The following MED12L variants were observed in gnomAD, a reference collection of about 807,000 sequenced individuals.
The protein encoded by MED12L is mediator of RNA polymerase II transcription subunit 12-like protein.
MED12L carries 60 observed loss-of-function variants against 281.3 expected under a neutral mutation model. That is an observed-to-expected ratio of 0.21 (90% CI 0.17 to 0.26). The LOEUF (loss-of-function observed/expected upper bound fraction) is 0.26. MED12L is among the 10% of genes least tolerant of loss of function. The probability of loss-of-function intolerance (pLI) is 1.00; values close to 1 mark genes in which losing one functional copy is unlikely to be tolerated. For missense variants in MED12L, 2,146 were observed against 2,680.9 expected (o/e 0.80, Z 4.41); for synonymous variants, 974 against 987.2 (o/e 0.99, Z 0.25).
At chr3:151,108,197 C>T (rs1340420743) in intron 2 of MED12L, among the ~76,000 whole-genome samples, 1 of 125,182 alleles carries the variant, frequency 8.0e-6, no homozygotes, top group South Asian at 2.7e-4. Context: ...GAGCAGTAGC[C>T]GAATCCTGCT....
chr3:151,363,653 AGAAG>A (rs1158412701), intron 21 of MED12L, among the ~76,000 whole-genome samples: 16 of 152,222 alleles, frequency 1.1e-4, no homozygotes, highest in African/African-American at 3.6e-4. Flanking sequence ...AAGAGAGTGT[AGAAG>A]ATTGTAATTG....
At chr3:151,359,135 A>G (rs150724815) in intron 20 of MED12L, among the ~76,000 whole-genome samples, 247 of 152,092 alleles carry the variant, frequency 1.6e-3, no homozygotes, top group African/African-American at 5.7e-3. Context: ...CCTTATGTCC[A>G]CGTGTACCTC....
At chr3:151,091,334 A>T (rs1720019590) in intron 2 of MED12L, among the ~76,000 whole-genome samples, 1 of 152,122 alleles carries the variant, frequency 6.6e-6, no homozygotes, top group South Asian at 2.1e-4. Flanking sequence ...ACTTCAGAGG[A>T]CATTCAGATT....
At chr3:151,267,860 G>A (rs1740136981) in intron 16 of MED12L, among the ~76,000 whole-genome samples, 1 of 152,158 alleles carries the variant, frequency 6.6e-6, no homozygotes, top group African/African-American at 2.4e-5. Flanking sequence ...GGAAACAGCT[G>A]TCAAAATACA....
At chr3:151,347,628 G>C (rs1244523298) in intron 16 of MED12L, among the ~76,000 whole-genome samples, 1 of 152,134 alleles carries the variant, frequency 6.6e-6, no homozygotes, top group Non-Finnish European at 1.5e-5. Context: ...ACAGCAAAGG[G>C]AGGAAGTGCC....
intron 16 of MED12L, among the ~76,000 whole-genome samples, chr3:151,309,497 C>T (rs564291671): frequency 5.3e-4 from 81 of 152,280 alleles, no homozygotes; most frequent in African/African-American, 1.9e-3. Context: ...TATACCTGCC[C>T]ACTTTATAGT....
chr3:151,164,164 A>G, intron 9 of MED12L, 122 bp downstream of exon 9: 1 of 1,041,184 alleles, frequency 9.6e-7, no homozygotes, highest in Non-Finnish European at 1.4e-6. Context: ...TTTGCCTGCT[A>G]ACACTCTGGG....
At chr3:151,117,727 T>C (rs1484929522) in intron 3 of MED12L, among the ~76,000 whole-genome samples, 1 of 152,186 alleles carries the variant, frequency 6.6e-6, no homozygotes, top group East Asian at 1.9e-4. Context: ...ATTAAAAGTG[T>C]ATACTCAGAA....
rs1355258903 is a variant in MED12L at position 151,374,562 on chromosome 3, A to G, written c.3865-1464A>G. On this transcript the variant is annotated intron_variant, in intron 27 of 44. Coordinates refer to ENST00000687756, the MANE Select transcript of MED12L (RefSeq NM_001393769.1). ...GACTCTGTCTCAAAGAAAGAAAGAA[A>G]GAAAGAAAGAAATGTTACACACATA... Among the ~76,000 whole-genome samples, 4 of 152,136 alleles carry G rather than the reference A, an allele frequency of 2.6e-5. No homozygotes were observed. The East Asian group carries it at 7.7e-4, about 29-fold the overall frequency.
intron 4 of MED12L, among the ~76,000 whole-genome samples, chr3:151,123,999 C>G (rs1265262779): frequency 6.6e-6 from 1 of 152,172 alleles, no homozygotes; most frequent in African/African-American, 2.4e-5. Flanking sequence ...TCAATCCAGG[C>G]TGAACCATGT....
chr3:151,189,756 G>A (rs181566739), intron 13 of MED12L, among the ~76,000 whole-genome samples: 76 of 152,266 alleles, frequency 5.0e-4, no homozygotes, highest in Middle Eastern at 6.8e-3. Flanking sequence ...ATTGAGCTTT[G>A]CAGGTTCATC....
intron 39 of MED12L, among the ~76,000 whole-genome samples, chr3:151,396,305 CT>C (rs1209352027): frequency 6.6e-6 from 1 of 152,184 alleles, no homozygotes; most frequent in Non-Finnish European, 1.5e-5. Context: ...AACCATCCCA[CT>C]AGAATGAATT....
chr3:151,371,884 A>G (rs1194027535), intron 26 of MED12L, among the ~76,000 whole-genome samples: 3 of 152,330 alleles, frequency 2.0e-5, no homozygotes, highest in South Asian at 2.1e-4. Flanking sequence ...TTTCTTTCCC[A>G]GAACTTTGTT....
chr3:151,295,134 T>A, intron 16 of MED12L: 1 of 1,613,566 alleles, frequency 6.2e-7, no homozygotes, highest in Non-Finnish European at 8.5e-7. Context: ...TCAAATTCAT[T>A]GTGAAGGGTG....
chr3:151,338,428 C>G, intron 16 of MED12L: 1 of 1,613,992 alleles, frequency 6.2e-7, no homozygotes, highest in South Asian at 1.1e-5. Context: ...ATCTTAGCCC[C>G]CAAGAGATTT....
chr3:151,094,272 C>T (rs1212696262), intron 2 of MED12L, among the ~76,000 whole-genome samples: 5 of 152,192 alleles, frequency 3.3e-5, no homozygotes, highest in African/African-American at 1.2e-4. Flanking sequence ...TCTGGGAACA[C>T]CATTCTCAGG....
chr3:151,312,220 A>C (rs1273124086), intron 16 of MED12L, among the ~76,000 whole-genome samples: 1 of 152,216 alleles, frequency 6.6e-6, no homozygotes, highest in Non-Finnish European at 1.5e-5. Flanking sequence ...CCACCCCGAA[A>C]AGAGTATAGC....
In MED12L at chr3:151,436,566, G is replaced by A; in HGVS notation, c.*3762G>A. 1.5e-6 allele frequency: 1 copy of A among 654,816 alleles called. No homozygotes were observed. Among genetic ancestry groups the A allele is most frequent in the Non-Finnish European group, 2.6e-6 (1 of 387,650 alleles). 40.6% of individuals were successfully genotyped at this position (654,816 alleles called of 1,614,324 possible). The stretch of plus-strand genomic sequence containing the variant: ...ATTTACAAGTCCTTTTATTTTGCAT[G>A]TTCATTGTAAATTTAATACTGTAAA... On this transcript the variant is annotated 3_prime_UTR_variant, in exon 45 of 45. Transcript: ENST00000687756.
chr3:151,380,881 G>A (rs545522000), intron 32 of MED12L, among the ~76,000 whole-genome samples: 2 of 152,318 alleles, frequency 1.3e-5, no homozygotes, highest in South Asian at 4.1e-4. Context: ...AGCTCCTCAA[G>A]CTTGGATGCC....
Sources: gnomAD v4.1 joint callset for allele counts (sites outside exome capture counted in the v4.1 genomes callset) on GRCh38, gnomAD v4.1.1 for gene constraint, MANE v1.5 for transcripts, NCBI Gene and HGNC (gene_info 2026-07-23, HGNC 2026-07-21) for gene names.